Variants in YTHDF1 observed in about 807,000 individuals in gnomAD.
YTHDF1 encodes the protein YTH N6-methyladenosine RNA binding protein F1.
A neutral mutation model predicts 49.1 loss-of-function variants in YTHDF1; 16 were observed. The ratio of observed to expected loss-of-function variants is 0.33; its 90% CI spans 0.22 to 0.49. The LOEUF (loss-of-function observed/expected upper bound fraction) is 0.49, where lower values mean the gene tolerates loss of function less well. Ranked by LOEUF, YTHDF1 falls within the 20% of genes least tolerant of loss-of-function variation. YTHDF1 has a pLI of 0.99. For synonymous variants in YTHDF1, 313 were observed against 290.1 expected, an observed-to-expected ratio of 1.08 and a Z score of -0.80; for missense variants, 621 against 744.3, an observed-to-expected ratio of 0.83 and a Z score of 1.93.
At chr20:63,214,113 G>A in intron 2 of YTHDF1, 170 bp from the exon 3 acceptor site, 1 of 972,478 alleles carries the variant, frequency 1.0e-6, no homozygotes, top group Non-Finnish European at 1.2e-6. Flanking sequence ...CTAATTAGAA[G>A]GGGGACGGGA....
At chr20:63,215,375 G>A (rs1440124916) in intron 2 of YTHDF1, among the ~76,000 whole-genome samples, 1 of 152,126 alleles carries the variant, frequency 6.6e-6, no homozygotes, top group African/African-American at 2.4e-5. Context: ...AAACTACTCT[G>A]AGCAATCATT....
chr20:63,205,207 T>C (rs1357200865), intron 3 of YTHDF1, among the ~76,000 whole-genome samples: 1 of 151,984 alleles, frequency 6.6e-6, no homozygotes, highest in East Asian at 1.9e-4. Flanking sequence ...AAGGCTACAC[T>C]ATGAAGGATA....
intron 1 of YTHDF1, 27 bp from the exon 2 acceptor site, chr20:63,215,628 G>T (rs1433561162): frequency 3.1e-6 from 5 of 1,600,684 alleles, no homozygotes. Flanking sequence ...CGGGACGTGG[G>T]GTACACACAA....
rs2066587544 is a variant in YTHDF1, at chr20:63,213,805, A to G, written c.132+59T>C. The G allele has an allele frequency of 9.1e-6, 13 of 1,432,622 alleles. No homozygotes were observed. The South Asian group carries it at 1.5e-4, about 16-fold the overall frequency. 88.7% of individuals were successfully genotyped at this position (1,432,622 alleles called of 1,614,324 possible). ...ATTTAAAAATCAGAAATGACAGTAAAGGTACAAAACAATTAAAACCAACTT... is the reference window on the plus strand; with the variant it reads ...ATTTAAAAATCAGAAATGACAGTAAGGGTACAAAACAATTAAAACCAACTT... On this transcript the variant is annotated intron_variant, in intron 3 of 4. Coordinates refer to ENST00000370339, the MANE Select transcript of YTHDF1 (RefSeq NM_017798.4).
intron 3 of YTHDF1, among the ~76,000 whole-genome samples, chr20:63,213,132 G>A (rs1191506933): frequency 6.6e-6 from 1 of 152,232 alleles, no homozygotes; most frequent in African/African-American, 2.4e-5. Context: ...GTCAGTGGTG[G>A]AGTTAAAATT....
chr20:63,211,910 T>A (rs774756961), intron 3 of YTHDF1, among the ~76,000 whole-genome samples: 1 of 149,814 alleles, frequency 6.7e-6, no homozygotes, highest in South Asian at 2.1e-4. Context: ...TGAGCTATAA[T>A]CATGCCCCTG....
chr20:63,215,910 A>C lies in YTHDF1; in HGVS notation c.-18T>G. On this transcript the variant is annotated 5_prime_UTR_variant, in exon 1 of 5. Transcript: ENST00000370339. ...GCCGACATGCTTCATGAACAACTAG[A>C]CGCGGGGCCGGGGCGCCCGCCGGCT... 16 of 1,386,570 alleles carry C rather than the reference A, an allele frequency of 1.2e-5. No individual in the cohort carries two copies. The highest frequency in any genetic ancestry group is 9.8e-5 in the East Asian group (3 of 30,514). The allele number at this position is 1,386,570 out of a possible 1,614,324, so 85.9% of individuals were successfully genotyped here. A position where few individuals can be genotyped will look rare whatever the true frequency, so the allele number is the denominator to read the frequency against.
In YTHDF1 at chr20:63,202,578, G is replaced by A. The variant is rs1263507566; in HGVS notation, c.1362C>T (p.Ser454=). 1 of 1,614,214 alleles carries A rather than the reference G, an allele frequency of 6.2e-7. No homozygotes were observed. Among genetic ancestry groups the A allele is most frequent in the Non-Finnish European group, 8.5e-7 (1 of 1,180,050 alleles). The change falls in exon 4 of 5, where the codon TCC becomes TCT. Residue 454 remains serine, a synonymous_variant. Coordinates refer to ENST00000370339, the MANE Select transcript of YTHDF1 (RefSeq NM_017798.4). ...GHFCGVAEMK[S]PVDYGTSAGV... ...CGGCACTGGTGCCGTAGTCCACGGGGGACTTCATCTCGGCCACCCCACAAA... is the reference window on the plus strand; with the variant it reads ...CGGCACTGGTGCCGTAGTCCACGGGAGACTTCATCTCGGCCACCCCACAAA...
chr20:63,206,006 A>T (rs2066543969), intron 3 of YTHDF1, among the ~76,000 whole-genome samples: 1 of 147,098 alleles, frequency 6.8e-6, no homozygotes, highest in Non-Finnish European at 1.5e-5. Flanking sequence ...TGCCCTGGCC[A>T]ACAGGCCCAG....
At position 63,215,730 on chromosome 20, in the gene YTHDF1, CGACCCCGGCCCCGA is replaced by C. The variant is rs1372696178; in HGVS notation, c.27+122_28-130del. Reference sequence around the variant, plus strand: ...GCCGGCCCCGACGCGCGGTCACGTGCGACCCCGGCCCCGAGACCCCGGTCCCGCCTGGGCCCGGC... The same window carrying C: ...GCCGGCCCCGACGCGCGGTCACGTGCGACCCCGGTCCCGCCTGGGCCCGGC... On this transcript the variant is annotated intron_variant, in intron 1 of 4. Coordinates refer to ENST00000370339, the MANE Select transcript of YTHDF1 (RefSeq NM_017798.4). 32 of 1,384,884 alleles carry C rather than the reference CGACCCCGGCCCCGA, an allele frequency of 2.3e-5. 1 individual carries two copies. The highest frequency in any genetic ancestry group is 2.8e-5 in the Non-Finnish European group (30 of 1,069,290). The allele number at this position is 1,384,884 out of a possible 1,614,324, so 85.8% of individuals were successfully genotyped here.
intron 4 of YTHDF1, among the ~76,000 whole-genome samples, chr20:63,198,946 T>TG (rs1473470297): frequency 6.6e-6 from 1 of 152,220 alleles, no homozygotes; most frequent in Non-Finnish European, 1.5e-5. Flanking sequence ...ACCCAGGACT[T>TG]GGTCTGACTC....
At chr20:63,214,090 G>C (rs1420419387) in intron 2 of YTHDF1, 147 bp from the exon 3 acceptor site, 9 of 1,365,014 alleles carry the variant, frequency 6.6e-6, no homozygotes, top group Middle Eastern at 2.6e-4. Context: ...GTATAGAACT[G>C]ATGTTTATAC....
chr20:63,197,707 A>G (rs1398466353), intron 4 of YTHDF1, among the ~76,000 whole-genome samples: 2 of 152,062 alleles, frequency 1.3e-5, no homozygotes, highest in Non-Finnish European at 2.9e-5. Context: ...TCTGCCCTGC[A>G]CTCCAGCCTG....
In YTHDF1 at chr20:63,203,907, C is replaced by T; in HGVS notation, c.133-100G>A. 3 of 1,133,382 alleles carry T rather than the reference C, an allele frequency of 2.6e-6. No homozygotes were observed. The Admixed American group carries it at 8.1e-5, about 31-fold the overall frequency. The allele number at this position is 1,133,382 out of a possible 1,614,324, so 70.2% of individuals were successfully genotyped here. On this transcript the variant is annotated intron_variant, in intron 3 of 4. Coordinates refer to ENST00000370339, the MANE Select transcript of YTHDF1 (RefSeq NM_017798.4). This position sits in a 1 kb window ranked among gnomAD's most constrained non-coding sequence, Gnocchi z 4.4. ...AAGCACAGGTGGAGCAAAAACAAAA[C>T]CTGCACAGCATGGGGCTACTCCTTC...
At chr20:63,213,819 T>A (rs771254716) in intron 3 of YTHDF1, 45 bp downstream of exon 3, 1 of 1,549,466 alleles carries the variant, frequency 6.5e-7, no homozygotes, top group East Asian at 2.3e-5. Context: ...ACAAAACAAT[T>A]AAAACCAACT....
intron 3 of YTHDF1, among the ~76,000 whole-genome samples, chr20:63,208,001 A>C (rs2122985759): frequency 6.6e-6 from 1 of 152,196 alleles, no homozygotes; most frequent in Non-Finnish European, 1.5e-5. Context: ...AAAAAAAAAA[A>C]AACAAAAACA....
chr20:63,202,025 T>C (rs955103660), intron 4 of YTHDF1, among the ~76,000 whole-genome samples: 2 of 152,264 alleles, frequency 1.3e-5, no homozygotes, highest in African/African-American at 2.4e-5. Flanking sequence ...GTCCCAATTA[T>C]TCAATTATAA....
At chr20:63,211,990 C>G (rs866299137) in intron 3 of YTHDF1, among the ~76,000 whole-genome samples, 24 of 137,698 alleles carry the variant, frequency 1.7e-4, no homozygotes, top group Middle Eastern at 8.4e-3. Context: ...CACACACACA[C>G]ACACACACAC....
chr20:63,209,410 T>C (rs2066563417), intron 3 of YTHDF1, among the ~76,000 whole-genome samples: 2 of 152,262 alleles, frequency 1.3e-5, no homozygotes, highest in Admixed American at 6.5e-5. Context: ...ATTTTTTTTG[T>C]TATATCCTTA....
Sources: allele counts gnomAD v4.1 joint callset (sites outside exome capture counted in the v4.1 genomes callset), GRCh38; gene constraint gnomAD v4.1.1; non-coding constraint Gnocchi (gnomAD v3.1); transcripts MANE v1.5; gene names NCBI Gene and HGNC (gene_info 2026-07-23, HGNC 2026-07-21).